PGAM5: variants seen among roughly 807,000 people sequenced by gnomAD.
PGAM5 encodes the protein serine/threonine-protein phosphatase PGAM5, mitochondrial.
A neutral mutation model predicts 30.6 loss-of-function variants in PGAM5; 25 were observed. The observed-to-expected ratio is 0.82, with a 90% CI of 0.60 to 1.14. The LOEUF (loss-of-function observed/expected upper bound fraction) is 1.14, where lower values mean the gene tolerates loss of function less well. Among genes scored for constraint, PGAM5 ranks in the 50% most tolerant of loss-of-function variants. The pLI is 0.00. For synonymous variants in PGAM5, 201 were observed against 179.1 expected (o/e 1.12, Z -0.98); for missense variants, 384 against 408.5 (o/e 0.94, Z 0.52).
chr12:132,717,725 G>A lies in PGAM5; in HGVS notation c.512G>A (p.Ser171Asn), dbSNP rs2043595848. The A allele has an allele frequency of 1.3e-6, 2 of 1,577,436 alleles. No homozygotes were observed. The highest frequency in any genetic ancestry group is 1.3e-5 in the African/African-American group (1 of 74,208). The change falls in exon 4 of 6, where the codon AGC becomes AAC. Residue 171 changes from serine to asparagine, a missense_variant. Transcript: ENST00000498926. ...TTCTCTGCAGGCGTCTGCAAAGTCA[G>A]CACAGATCTGCTGCGGGAAGGCGCC... Reference protein sequence around the residue: ...SRHLPGVCKVSTDLLREGAPI... With the variant: ...SRHLPGVCKVNTDLLREGAPI...
Position 132,720,786 on chromosome 12 carries a change from G to C in PGAM5, c.828G>C (p.Gly276=). ...GCCGAGTTGCGCTCAGGACCCTCGG[G>C]GACACGGGGTTCATGCCTCCCGACA... The part of the protein sequence containing the change: ...PNGRVALRTL[G]DTGFMPPDKI... Residue 276 remains glycine, a synonymous_variant, in exon 6 of 6, where the codon GGG becomes GGC. Coordinates refer to ENST00000498926, the MANE Select transcript of PGAM5 (RefSeq NM_001170543.2). The C allele has an allele frequency of 6.5e-7, 1 of 1,536,468 alleles. No homozygotes were observed. Among genetic ancestry groups the C allele is most frequent in the Non-Finnish European group, 8.7e-7 (1 of 1,146,870 alleles).
At position 132,714,887 on chromosome 12, in the gene PGAM5, G is replaced by A. The variant is rs142758535; in HGVS notation, c.221G>A (p.Arg74Gln). Reference protein sequence around the residue: ...RREPLSLINVRKRNVESGEEE... With the variant: ...RREPLSLINVQKRNVESGEEE... Reference sequence around the variant, plus strand: ...GAACCACTGTCTCTGATCAACGTGCGGAAGAGGAACGTGGAATCTGGGGAA... The same window carrying A: ...GAACCACTGTCTCTGATCAACGTGCAGAAGAGGAACGTGGAATCTGGGGAA... Residue 74 changes from arginine to glutamine, a missense_variant, in exon 2 of 6, where the codon CGG (arginine) becomes CAG (glutamine). Physicochemically the swap from Arg to Gln is conservative, Grantham distance 43. Coordinates refer to ENST00000498926, the MANE Select transcript of PGAM5 (RefSeq NM_001170543.2). 422 of 1,613,736 alleles carry A rather than the reference G, an allele frequency of 2.6e-4. 3 individuals are homozygous for A. In the South Asian group the frequency reaches 3.0e-3, roughly 11 times the overall value.
intron 1 of PGAM5, among the ~76,000 whole-genome samples, chr12:132,713,621 G>A (rs1243874923): frequency 6.6e-6 from 1 of 152,182 alleles, no homozygotes; most frequent in Admixed American, 6.5e-5. Context: ...GTCTCAGCGA[G>A]TAAATACCAG....
At position 132,722,636 on chromosome 12, in the gene PGAM5, CTA is replaced by C. The variant is rs1214531102; in HGVS notation, c.*1810_*1811del. The C allele has an allele frequency of 2.0e-5, 3 of 152,190 alleles. No individual in the cohort carries two copies. The highest frequency in any genetic ancestry group is 7.2e-5 in the African/African-American group (3 of 41,444). The allele number at this position is 152,190 out of a possible 1,614,324, so 9.4% of individuals were successfully genotyped here. A position where few individuals can be genotyped will look rare whatever the true frequency, so the allele number is the denominator to read the frequency against. ...TACAATTTCTATGAAGTGGTTGTGA[CTA>C]TTTTCTGTAGTCAATACAGTTGGGA... On this transcript the variant is annotated 3_prime_UTR_variant, in exon 6 of 6. Coordinates refer to ENST00000498926, the MANE Select transcript of PGAM5 (RefSeq NM_001170543.2).
rs140836953 is a variant in PGAM5 at position 132,720,469 on chromosome 12, A to G, written c.720-209A>G. Among the ~76,000 whole-genome samples, 4,926 of 151,962 alleles carry G rather than the reference A, an allele frequency of 0.032. 238 individuals carry two copies. Among genetic ancestry groups the G allele is most frequent in the African/African-American group, 0.11 (4,573 of 41,422 alleles). On this transcript the variant is annotated intron_variant, in intron 5 of 5. Coordinates refer to ENST00000498926, the MANE Select transcript of PGAM5 (RefSeq NM_001170543.2). ...ACTACAGGTGCCTGCTATCACGCCC[A>G]GCTAATTTTTTGTATTTTTAGTAGA...
chr12:132,714,087 G>C (rs534753894), intron 1 of PGAM5, among the ~76,000 whole-genome samples: 4 of 152,104 alleles, frequency 2.6e-5, no homozygotes, highest in Admixed American at 2.6e-4. Flanking sequence ...GCACGATCTC[G>C]GCTCTCTGCA....
chr12:132,718,905 G>A (rs1385722449), intron 5 of PGAM5: 1 of 1,594,964 alleles, frequency 6.3e-7, no homozygotes, highest in Non-Finnish European at 8.5e-7. Flanking sequence ...CCACAGCTGA[G>A]TCACGTTGCT....
rs1477332643 is a variant in PGAM5 at position 132,721,154 on chromosome 12, C to T, written c.*326C>T. 4 of 210,672 alleles carry T rather than the reference C, an allele frequency of 1.9e-5. No individual in the cohort carries two copies. Among genetic ancestry groups the T allele is most frequent in the Admixed American group, 1.2e-4 (2 of 17,308 alleles). 13.1% of individuals were successfully genotyped at this position (210,672 alleles called of 1,614,324 possible). On this transcript the variant is annotated 3_prime_UTR_variant, in exon 6 of 6. Coordinates refer to ENST00000498926, the MANE Select transcript of PGAM5 (RefSeq NM_001170543.2). ...AGCTGACCCGTGCTGAGGGTCCAGG[C>T]TCCATTGGCAAAGCCGGTCAGGCAC...
At chr12:132,717,614 G>T in intron 3 of PGAM5, 50 bp downstream of exon 3, 1 of 1,602,874 alleles carries the variant, frequency 6.2e-7, no homozygotes, top group Non-Finnish European at 8.5e-7. Context: ...GGCGGCTCGT[G>T]GCAGGGCCCC....
In PGAM5 at chr12:132,718,125, G is replaced by A; in HGVS notation, c.719+5G>A. On this transcript the variant is annotated splice_donor_5th_base_variant and intron_variant, in intron 5 of 5. Coordinates refer to ENST00000498926, the MANE Select transcript of PGAM5 (RefSeq NM_001170543.2). ...CATCCGCTACATCGTGTGCAGGTAG[G>A]CAGCTGCTGGGCTGGGCGTGGTCTA... The A allele has an allele frequency of 6.2e-7, 1 of 1,612,522 alleles. No individual in the cohort carries two copies. The highest frequency in any genetic ancestry group is 8.5e-7 in the Non-Finnish European group (1 of 1,179,926).
At chr12:132,715,854 A>G (rs1404874368) in intron 2 of PGAM5, among the ~76,000 whole-genome samples, 1 of 151,740 alleles carries the variant, frequency 6.6e-6, no homozygotes, top group Non-Finnish European at 1.5e-5. Context: ...ACTCTAGCCT[A>G]GGTAACAGAG....
chr12:132,714,483 C>T (rs761759141), intron 1 of PGAM5, among the ~76,000 whole-genome samples: 4 of 152,228 alleles, frequency 2.6e-5, no homozygotes, highest in African/African-American at 9.6e-5. Flanking sequence ...ATCTTGGCCC[C>T]GTGGACACTT....
intron 1 of PGAM5, among the ~76,000 whole-genome samples, chr12:132,713,636 T>C (rs989887804): frequency 1.3e-5 from 2 of 152,152 alleles, no homozygotes; most frequent in Non-Finnish European, 2.9e-5. Context: ...TACCAGCAGG[T>C]TCGACTTTTG....
intron 3 of PGAM5, 41 bp downstream of exon 3, chr12:132,717,605 G>A (rs778668790): frequency 1.7e-5 from 27 of 1,604,576 alleles, no homozygotes; most frequent in Non-Finnish European, 2.3e-5. Flanking sequence ...GCAGCAGTGG[G>A]CGGCTCGTGG....
intron 5 of PGAM5, among the ~76,000 whole-genome samples, chr12:132,719,794 T>G (rs2043624793): frequency 6.6e-6 from 1 of 152,204 alleles, no homozygotes; most frequent in Non-Finnish European, 1.5e-5. Flanking sequence ...TGCGGCCCAC[T>G]GAGACAGGGC....
At chr12:132,717,219 C>G (rs2043586641) in intron 2 of PGAM5, among the ~76,000 whole-genome samples, 1 of 151,742 alleles carries the variant, frequency 6.6e-6, no homozygotes, top group Non-Finnish European at 1.5e-5. Flanking sequence ...GAGTGCCGGC[C>G]CCTCTGGCCC....
intron 1 of PGAM5, chr12:132,711,824 G>A (rs967163051): frequency 2.0e-5 from 3 of 151,916 alleles, no homozygotes; most frequent in Non-Finnish European, 2.9e-5. Context: ...TTTAACATTA[G>A]TTATGTGTTG....
chr12:132,716,251 A>T (rs917453081), intron 2 of PGAM5, among the ~76,000 whole-genome samples: 2 of 151,768 alleles, frequency 1.3e-5, no homozygotes, highest in African/African-American at 4.8e-5. Context: ...ACTCCCAGCT[A>T]TTTTTTTGTA....
rs181536311 is a variant in PGAM5, at chr12:132,720,573, T to C, written c.720-105T>C. ...CCACCCGCCTGGCCTCCCAAAGTGC[T>C]GGGATTACAGGTGTGAGCCACCATG... On this transcript the variant is annotated intron_variant, in intron 5 of 5. Coordinates refer to ENST00000498926, the MANE Select transcript of PGAM5 (RefSeq NM_001170543.2). 6.0e-5 allele frequency: 74 copies of C among 1,233,926 alleles called. No homozygotes were observed. In the African/African-American group the frequency reaches 1.0e-3, roughly 17 times the overall value. 76.4% of individuals were successfully genotyped at this position (1,233,926 alleles called of 1,614,324 possible).
Sources: allele counts gnomAD v4.1 joint callset (sites outside exome capture counted in the v4.1 genomes callset), GRCh38; gene constraint gnomAD v4.1.1; transcripts MANE v1.5; gene names NCBI Gene and HGNC (gene_info 2026-07-23, HGNC 2026-07-21).